Variants in LRGUK observed in about 807,000 individuals in gnomAD.
LRGUK encodes leucine rich repeats and guanylate kinase domain containing.
In LRGUK, 65 loss-of-function variants were observed where a neutral mutation model predicts 76.0. That is an observed-to-expected ratio of 0.85 (90% CI 0.70 to 1.05). The LOEUF is 1.05. Among genes scored for constraint, LRGUK ranks in the 50% least tolerant of loss-of-function variants. The pLI is 0.00. For synonymous variants in LRGUK, 268 were observed against 265.6 expected, an observed-to-expected ratio of 1.01 and a Z score of -0.09; for missense variants, 758 against 732.8, an observed-to-expected ratio of 1.03 and a Z score of -0.40.
At chr7:134,242,273 T>C (rs1005492658) in intron 16 of LRGUK, among the ~76,000 whole-genome samples, 1 of 152,134 alleles carries the variant, frequency 6.6e-6, no homozygotes, top group African/African-American at 2.4e-5. Flanking sequence ...AGCTGGTTTT[T>C]TGAAAGGATC....
chr7:134,190,919 T>C (rs1203608917), intron 11 of LRGUK, among the ~76,000 whole-genome samples: 1 of 149,656 alleles, frequency 6.7e-6, no homozygotes. Flanking sequence ...CGGTAAGCAG[T>C]TCTGGGGATA....
downstream of LRGUK, among the ~76,000 whole-genome samples, chr7:134,213,095 A>T (rs1294801256): frequency 2.0e-5 from 3 of 152,186 alleles, no homozygotes; most frequent in African/African-American, 7.2e-5. Context: ...ACGTACGCCT[A>T]AGCAGAGGCA....
intron 4 of LRGUK, among the ~76,000 whole-genome samples, chr7:134,147,280 A>G (rs536048822): frequency 6.6e-6 from 1 of 151,870 alleles, no homozygotes; most frequent in South Asian, 2.1e-4. Flanking sequence ...CAACAACAAC[A>G]ACAAAAAACC....
chr7:134,186,511 C>T (rs190125039), intron 11 of LRGUK, among the ~76,000 whole-genome samples: 18 of 152,306 alleles, frequency 1.2e-4, no homozygotes, highest in African/African-American at 4.3e-4. Context: ...AACTGACTGA[C>T]TGATTGAGTG....
rs540726023 is a variant in LRGUK at position 134,153,149 on chromosome 7, T to C, written c.670+4830T>C. ...AATCAAGTATTAAACTTAACCCAGCTCTATGTAAAAATTTAAAAACCTGAA... is the reference window on the plus strand; with the variant it reads ...AATCAAGTATTAAACTTAACCCAGCCCTATGTAAAAATTTAAAAACCTGAA... On this transcript the variant is annotated intron_variant, in intron 5 of 15. Transcript: ENST00000645682. 7.2e-5 allele frequency among the ~76,000 whole-genome samples: 11 copies of C among 152,150 alleles called. No individual in the cohort carries two copies. In the South Asian group the frequency reaches 1.9e-3, roughly 26 times the overall value.
At chr7:134,198,991 G>A (rs1281509622) in intron 13 of LRGUK, among the ~76,000 whole-genome samples, 2 of 152,158 alleles carry the variant, frequency 1.3e-5, no homozygotes, top group Non-Finnish European at 2.9e-5. Context: ...AGGAAAGCCA[G>A]GTGGAGTGAA....
intron 5 of LRGUK, among the ~76,000 whole-genome samples, chr7:134,157,674 C>T (rs1243871290): frequency 1.3e-5 from 2 of 152,178 alleles, no homozygotes; most frequent in African/African-American, 2.4e-5. Flanking sequence ...AGGCACCCAC[C>T]ACCACGCCCG....
intron 14 of LRGUK, among the ~76,000 whole-genome samples, chr7:134,201,074 A>G (rs1800746759): frequency 6.6e-6 from 1 of 152,076 alleles, no homozygotes; most frequent in Non-Finnish European, 1.5e-5. Flanking sequence ...AGCACATCGA[A>G]TCCTCCTTGT....
At chr7:134,203,554 C>G (rs1332156943) in intron 15 of LRGUK, among the ~76,000 whole-genome samples, 1 of 152,172 alleles carries the variant, frequency 6.6e-6, no homozygotes, top group Admixed American at 6.5e-5. Flanking sequence ...TGGTAAAAAT[C>G]AACAGATAAT....
chr7:134,148,762 C>T (rs529258201), intron 5 of LRGUK, among the ~76,000 whole-genome samples: 2 of 152,154 alleles, frequency 1.3e-5, no homozygotes, highest in East Asian at 3.9e-4. Context: ...CCTGCCTCTA[C>T]TAAAAATACA....
At chr7:134,250,281 A>G (rs951350446) in intron 18 of LRGUK, among the ~76,000 whole-genome samples, 2 of 152,180 alleles carry the variant, frequency 1.3e-5, no homozygotes, top group Non-Finnish European at 2.9e-5. Context: ...ATCCTAAAAA[A>G]CTATTAAAAA....
intron 1 of LRGUK, among the ~76,000 whole-genome samples, chr7:134,128,399 C>T (rs1170413733): frequency 6.6e-6 from 1 of 152,218 alleles, no homozygotes; most frequent in Non-Finnish European, 1.5e-5. Context: ...CCACACAATT[C>T]CTCTTCTTTC....
intron 10 of LRGUK, among the ~76,000 whole-genome samples, chr7:134,182,203 C>T (rs1222422): frequency 0.99 from 151,406 of 152,362 alleles, 75,240 homozygotes; most frequent in Middle Eastern, 1. Flanking sequence ...CTTATTGCCA[C>T]GTAGCATTCC....
intron 16 of LRGUK, among the ~76,000 whole-genome samples, chr7:134,241,364 C>A (rs566473494): frequency 6.6e-6 from 1 of 151,938 alleles, no homozygotes; most frequent in Non-Finnish European, 1.5e-5. Flanking sequence ...GAAGATCTAC[C>A]AAGCAAATGG....
chr7:134,209,176 C>A (rs1801132736), exon 16 of LRGUK: 5 of 399,282 alleles, frequency 1.3e-5, no homozygotes, highest in Admixed American at 4.4e-5. Flanking sequence ...CTCAGCCAGG[C>A]CAGGACAAGG....
At chr7:134,234,414 G>T (rs1161565483) in intron 16 of LRGUK, among the ~76,000 whole-genome samples, 1 of 152,096 alleles carries the variant, frequency 6.6e-6, no homozygotes, top group Admixed American at 6.6e-5. Context: ...GAGTAAAAGT[G>T]AATGGACAAA....
chr7:134,202,432 G>T (rs1755851433), intron 15 of LRGUK, among the ~76,000 whole-genome samples: 1 of 152,088 alleles, frequency 6.6e-6, no homozygotes, highest in South Asian at 2.1e-4. Context: ...ACAGTATGGA[G>T]GTTCCTCAAA....
At position 134,151,851 on chromosome 7, in the gene LRGUK, A is replaced by G. The variant is rs1383546189; in HGVS notation, c.670+3532A>G. ...TAATAAAATCCAGCTCTCATTCACA[A>G]TGAAAACTCTCAGTAAACTAGTAAT... On this transcript the variant is annotated intron_variant, in intron 5 of 15. Transcript: ENST00000645682. 2.6e-5 allele frequency among the ~76,000 whole-genome samples: 4 copies of G among 152,128 alleles called. No individual in the cohort carries two copies. The South Asian group carries it at 6.2e-4, about 24-fold the overall frequency.
exon 1 of LRGUK, chr7:134,127,410 T>C (rs770777112): frequency 6.2e-7 from 1 of 1,612,774 alleles, no homozygotes; most frequent in Non-Finnish European, 8.5e-7. Flanking sequence ...CAGAGCTGCC[T>C]CTCTCCTGAG....
Sources: gnomAD v4.1 joint callset for allele counts (sites outside exome capture counted in the v4.1 genomes callset) on GRCh38, gnomAD v4.1.1 for gene constraint, MANE v1.5 for transcripts, NCBI Gene and HGNC (gene_info 2026-07-23, HGNC 2026-07-21) for gene names.